Variants in SPOP observed in about 807,000 individuals in gnomAD.
SPOP encodes speckle-type POZ protein.
A neutral mutation model predicts 45.6 loss-of-function variants in SPOP; 11 were observed. The observed-to-expected ratio is 0.24, with a 90% CI of 0.15 to 0.40. The LOEUF is 0.40. Ranked by LOEUF, SPOP falls within the 10% of genes least tolerant of loss-of-function variation. The probability of loss-of-function intolerance (pLI) is 1.00; values close to 1 mark genes in which losing one functional copy is unlikely to be tolerated. For synonymous variants in SPOP, 166 were observed against 166.3 expected (o/e 1.00, Z 0.01); for missense variants, 152 against 465.6 (o/e 0.33, Z 6.20).
intron 5 of SPOP, among the ~76,000 whole-genome samples, chr17:49,615,490 CTATT>C (rs532797342): frequency 6.1e-4 from 93 of 151,936 alleles, no homozygotes; most frequent in African/African-American, 1.8e-3. Flanking sequence ...CTTCATGTCT[CTATT>C]TATTTATTTA....
Position 49,619,427 on chromosome 17 carries a change from A to G in SPOP, c.201-42T>C. On this transcript the variant is annotated intron_variant, in intron 3 of 9. Transcript: ENST00000504102. This position sits in a 1 kb window ranked among gnomAD's most constrained non-coding sequence, Gnocchi z 4.9. ...GAAAAAAAAAATGTCAAAAGCATCC[A>G]TTTTGATAGAACTGGAAATCAGACT... 1 of 1,574,276 alleles carries G rather than the reference A, an allele frequency of 6.4e-7. No homozygotes were observed. Among genetic ancestry groups the G allele is most frequent in the South Asian group, 1.2e-5 (1 of 85,262 alleles).
intron 1 of SPOP, among the ~76,000 whole-genome samples, chr17:49,668,743 A>G (rs2073095421): frequency 6.6e-6 from 1 of 151,662 alleles, no homozygotes; most frequent in African/African-American, 2.4e-5. Flanking sequence ...TGACATATAT[A>G]TAGACATATA....
At chr17:49,610,877 TAACC>T (rs2071957976) in intron 6 of SPOP, among the ~76,000 whole-genome samples, 1 of 152,174 alleles carries the variant, frequency 6.6e-6, no homozygotes, top group Admixed American at 6.5e-5. Context: ...AAAAGAGGGC[TAACC>T]CCTCCAGGGC....
At chr17:49,676,553 G>A (rs2073202050) in intron 1 of SPOP, among the ~76,000 whole-genome samples, 1 of 152,254 alleles carries the variant, frequency 6.6e-6, no homozygotes, top group South Asian at 2.1e-4. Context: ...AAAGAGAATT[G>A]AAAGTAAGGC....
At chr17:49,633,937 T>C (rs2143389349) in intron 1 of SPOP, among the ~76,000 whole-genome samples, 1 of 151,890 alleles carries the variant, frequency 6.6e-6, no homozygotes, top group Middle Eastern at 3.4e-3. Flanking sequence ...TCACAAGATC[T>C]GGGTTAATAC....
At chr17:49,654,880 A>C (rs1414788798) in intron 1 of SPOP, among the ~76,000 whole-genome samples, 1 of 152,188 alleles carries the variant, frequency 6.6e-6, no homozygotes, top group African/African-American at 2.4e-5. Context: ...AAGACCAATT[A>C]ACTCTGGTAA....
rs952928304 is a variant in SPOP, at chr17:49,643,962, G to T, written c.-66-21086C>A. Among the ~76,000 whole-genome samples the T allele has an allele frequency of 2.6e-5, 4 of 151,160 alleles. No individual in the cohort carries two copies. In the East Asian group the frequency reaches 7.7e-4, roughly 29 times the overall value. ...AAAAAAAAAAAAGAAAGTATTCTAG[G>T]AGTTAAAAAGTAGTAAAAGAAAGCT... On this transcript the variant is annotated intron_variant, in intron 1 of 9. Coordinates refer to ENST00000504102, the MANE Select transcript of SPOP (RefSeq NM_001007228.2).
At chr17:49,639,784 C>T (rs906016464) in intron 1 of SPOP, among the ~76,000 whole-genome samples, 2 of 152,048 alleles carry the variant, frequency 1.3e-5, no homozygotes, top group African/African-American at 4.8e-5. Context: ...AGTGGTTATT[C>T]TGAGCAATGG....
At position 49,600,307 on chromosome 17, in the gene SPOP, C is replaced by T; in HGVS notation, c.*71G>A. On this transcript the variant is annotated 3_prime_UTR_variant, in exon 10 of 10. Coordinates refer to ENST00000504102, the MANE Select transcript of SPOP (RefSeq NM_001007228.2). This position sits in a 1 kb window ranked among gnomAD's most constrained non-coding sequence, Gnocchi z 4.2. Reference sequence around the variant, plus strand: ...AAGCTCCACAGATTGCGCTGTCTACCTGGTGGTCAGTGGCAGCAACAGTGG... The same window carrying T: ...AAGCTCCACAGATTGCGCTGTCTACTTGGTGGTCAGTGGCAGCAACAGTGG... The T allele has an allele frequency of 6.3e-7, 1 of 1,597,056 alleles. No homozygotes were observed. The highest frequency in any genetic ancestry group is 8.6e-7 in the Non-Finnish European group (1 of 1,167,538).
rs748907854 is a variant in SPOP, at chr17:49,622,851, G to A, written c.-41C>T. On this transcript the variant is annotated 5_prime_UTR_variant, in exon 2 of 10. Coordinates refer to ENST00000504102, the MANE Select transcript of SPOP (RefSeq NM_001007228.2). Reference sequence around the variant, plus strand: ...TAAACGAGATTTCCAAAGTCAGGGGGCAAAGATTTCTGTTCCCTCTTCACC... The same window carrying A: ...TAAACGAGATTTCCAAAGTCAGGGGACAAAGATTTCTGTTCCCTCTTCACC... The A allele has an allele frequency of 1.9e-6, 3 of 1,547,028 alleles. No individual in the cohort carries two copies. The highest frequency in any genetic ancestry group is 2.2e-5 in the East Asian group (1 of 44,592).
chr17:49,614,297 CTAT>C (rs1001035249), intron 5 of SPOP, among the ~76,000 whole-genome samples: 1 of 152,102 alleles, frequency 6.6e-6, no homozygotes, highest in Non-Finnish European at 1.5e-5. Flanking sequence ...TCACACAAGA[CTAT>C]TATATACAGC....
intron 2 of SPOP, chr17:49,622,480 C>A: frequency 1.8e-6 from 1 of 550,322 alleles, no homozygotes. Flanking sequence ...ACACTTTCAT[C>A]AAGGGCAATG....
intron 1 of SPOP, among the ~76,000 whole-genome samples, chr17:49,677,300 G>A (rs929151279): frequency 6.6e-6 from 1 of 152,220 alleles, no homozygotes; most frequent in Non-Finnish European, 1.5e-5. Flanking sequence ...CCTAGAACTA[G>A]AAGATACAGT....
Position 49,610,136 on chromosome 17 carries a change from C to T in SPOP, c.658+1144G>A, listed in dbSNP as rs534780724. On this transcript the variant is annotated intron_variant, in intron 6 of 9. Coordinates refer to ENST00000504102, the MANE Select transcript of SPOP (RefSeq NM_001007228.2). ...TCGTTAAGAAAGGGAGTTGCCTAAA[C>T]ATCTGTAGAAAAACTATTGGCAGTG... 2.0e-5 allele frequency among the ~76,000 whole-genome samples: 3 copies of T among 152,228 alleles called. No individual in the cohort carries two copies. The South Asian group carries it at 6.2e-4, about 32-fold the overall frequency.
At chr17:49,668,181 T>TA (rs2073088159) in intron 1 of SPOP, 1 of 152,206 alleles carries the variant, frequency 6.6e-6, no homozygotes, top group Admixed American at 6.5e-5. Context: ...GTGAATATAC[T>TA]AAACACCACT....
At chr17:49,629,807 C>T (rs1567784777) in intron 1 of SPOP, among the ~76,000 whole-genome samples, 1 of 152,108 alleles carries the variant, frequency 6.6e-6, no homozygotes, top group African/African-American at 2.4e-5. Flanking sequence ...AACCAGTTAA[C>T]AGAGAGAGAG....
At chr17:49,661,681 A>G (rs1328930747) in intron 1 of SPOP, among the ~76,000 whole-genome samples, 1 of 152,206 alleles carries the variant, frequency 6.6e-6, no homozygotes, top group Non-Finnish European at 1.5e-5. Context: ...GTTAAAAAGA[A>G]AAGTCAGTTA....
Position 49,600,660 on chromosome 17 carries a change from T to A in SPOP, c.981-138A>T. 1 of 902,462 alleles carries A rather than the reference T, an allele frequency of 1.1e-6. No homozygotes were observed. Among genetic ancestry groups the A allele is most frequent in the South Asian group, 1.7e-5 (1 of 59,624 alleles). 55.9% of individuals were successfully genotyped at this position (902,462 alleles called of 1,614,324 possible). A position where few individuals can be genotyped will look rare whatever the true frequency, so the allele number is the denominator to read the frequency against. ...GAAACAGAAGAACCCTTAATATGCATAAGAATTTGCTTGTTAGACAATGAG... is the reference window on the plus strand; with the variant it reads ...GAAACAGAAGAACCCTTAATATGCAAAAGAATTTGCTTGTTAGACAATGAG... On this transcript the variant is annotated intron_variant, in intron 9 of 9. Coordinates refer to ENST00000504102, the MANE Select transcript of SPOP (RefSeq NM_001007228.2). This position sits in a 1 kb window ranked among gnomAD's most constrained non-coding sequence, Gnocchi z 4.2.
intron 1 of SPOP, among the ~76,000 whole-genome samples, chr17:49,642,435 T>C (rs1004394552): frequency 2.0e-5 from 3 of 152,042 alleles, no homozygotes; most frequent in African/African-American, 7.2e-5. Flanking sequence ...GAGGTTGCAG[T>C]GAGCCGAGAT....
Sources: allele counts gnomAD v4.1 joint callset (sites outside exome capture counted in the v4.1 genomes callset), GRCh38; gene constraint gnomAD v4.1.1; non-coding constraint Gnocchi (gnomAD v3.1); transcripts MANE v1.5; gene names NCBI Gene and HGNC (gene_info 2026-07-23, HGNC 2026-07-21).